Variants in RAB2B observed in about 807,000 individuals in gnomAD.
RAB2B encodes the protein RAB2B, member RAS oncogene family, also known as ras-related protein Rab-2B.
Under a neutral mutation model 29.8 loss-of-function variants are expected in RAB2B, and 20 were observed. That is an observed-to-expected ratio of 0.67 (90% CI 0.47 to 0.97). The LOEUF is 0.97. Ranked by LOEUF, RAB2B falls within the 50% of genes least tolerant of loss-of-function variation. The pLI, the probability that RAB2B is intolerant of heterozygous loss-of-function variation, is 0.00. For synonymous variants in RAB2B, 93 were observed against 91.7 expected, an observed-to-expected ratio of 1.01 and a Z score of -0.08; for missense variants, 218 against 272.0, an observed-to-expected ratio of 0.80 and a Z score of 1.40.
chr14:21,468,172 C>T (rs769549650), intron 5 of RAB2B, among the ~76,000 whole-genome samples, 185 bp downstream of exon 5: 6 of 151,982 alleles, frequency 3.9e-5, no homozygotes, highest in Non-Finnish European at 7.4e-5. Flanking sequence ...CTTAATGCTA[C>T]AGGACTGTAT....
intron 5 of RAB2B, among the ~76,000 whole-genome samples, chr14:21,466,609 C>G (rs1890692807): frequency 6.6e-6 from 1 of 152,210 alleles, no homozygotes; most frequent in Admixed American, 6.5e-5. Context: ...ATACCTCAAA[C>G]TTTTGAGAAA....
intron 5 of RAB2B, among the ~76,000 whole-genome samples, chr14:21,467,393 A>G (rs191294939): frequency 2.4e-4 from 36 of 152,254 alleles, no homozygotes; most frequent in African/African-American, 8.4e-4. Context: ...TTATGGACTC[A>G]AGCAATCCTT....
At chr14:21,465,102 A>C (rs1322574377) in intron 5 of RAB2B, among the ~76,000 whole-genome samples, 1 of 152,222 alleles carries the variant, frequency 6.6e-6, no homozygotes, top group Admixed American at 6.5e-5. Context: ...GGAGGTTTCC[A>C]GTTTTCCAAC....
chr14:21,475,071 CT>C lies in RAB2B; in HGVS notation c.119-138del, dbSNP rs1890914771. The C allele has an allele frequency of 4.7e-6, 3 of 637,960 alleles. No homozygotes were observed. The South Asian group carries it at 5.8e-5, about 12-fold the overall frequency. The allele number at this position is 637,960 out of a possible 1,614,324, so 39.5% of individuals were successfully genotyped here. On this transcript the variant is annotated intron_variant, in intron 2 of 7. Transcript: ENST00000397762. ...ATGCCACTAATTCCATTATTGCTGC[CT>C]ATTTGCTCCAATTAATTTTGTGTTT...
rs748236767 is a variant in RAB2B at position 21,476,523 on chromosome 14, C to A, written c.118+5G>T. The A allele has an allele frequency of 6.2e-7, 1 of 1,613,802 alleles. No homozygotes were observed. The highest frequency in any genetic ancestry group is 1.7e-5 in the Admixed American group (1 of 60,026). ...ATCTGTTCTGGAACAAGTAGATGCA[C>A]TTACCTATTGTGAGGTCGTGGACAG... On this transcript the variant is annotated splice_donor_5th_base_variant and intron_variant, in intron 2 of 7. Coordinates refer to ENST00000397762, the MANE Select transcript of RAB2B (RefSeq NM_032846.4).
chr14:21,463,511 C>T (rs543229948), intron 6 of RAB2B, 145 bp downstream of exon 6: 19 of 614,954 alleles, frequency 3.1e-5, no homozygotes, highest in East Asian at 8.6e-5. Flanking sequence ...CCTCCCAAAA[C>T]GCTAGGATTA....
At chr14:21,472,954 G>C (rs1359189004) in intron 3 of RAB2B, among the ~76,000 whole-genome samples, 1 of 152,178 alleles carries the variant, frequency 6.6e-6, no homozygotes, top group African/African-American at 2.4e-5. Context: ...CACTTTGGGA[G>C]GCTGAGGAGG....
chr14:21,468,499 C>G (rs1890735533), intron 4 of RAB2B, 50 bp from the exon 5 acceptor site: 1 of 1,525,040 alleles, frequency 6.6e-7, no homozygotes, highest in African/African-American at 1.4e-5. Flanking sequence ...TTCAAAAGGC[C>G]AAAACAACTC....
In RAB2B at chr14:21,476,542, T is replaced by C; in HGVS notation, c.104A>G (p.His35Arg). ...QFTDKRFQPV[H>R]DLTIGVEFGA... Reference sequence around the variant, plus strand: ...GATGCACTTACCTATTGTGAGGTCGTGGACAGGCTGGAACCGCTTATCTGT... The same window carrying C: ...GATGCACTTACCTATTGTGAGGTCGCGGACAGGCTGGAACCGCTTATCTGT... Residue 35 changes from histidine to arginine, a missense_variant, in exon 2 of 8, where the codon CAC becomes CGC. Coordinates refer to ENST00000397762, the MANE Select transcript of RAB2B (RefSeq NM_032846.4). The C allele has an allele frequency of 3.1e-6, 5 of 1,613,768 alleles. No individual in the cohort carries two copies. Among genetic ancestry groups the C allele is most frequent in the Non-Finnish European group, 4.2e-6 (5 of 1,180,010 alleles).
chr14:21,464,094 G>A (rs1171519401), intron 5 of RAB2B, among the ~76,000 whole-genome samples: 1 of 151,912 alleles, frequency 6.6e-6, no homozygotes, highest in African/African-American at 2.4e-5. Context: ...GGAGAGCAAA[G>A]TATAGATGAG....
chr14:21,465,691 C>T (rs1890670356), intron 5 of RAB2B, among the ~76,000 whole-genome samples: 1 of 152,086 alleles, frequency 6.6e-6, no homozygotes, highest in Admixed American at 6.6e-5. Flanking sequence ...TTTAATCCCC[C>T]ATCTCCCAAG....
chr14:21,476,639 G>T (rs962332110), intron 1 of RAB2B, 40 bp from the exon 2 acceptor site: 4 of 1,613,580 alleles, frequency 2.5e-6, no homozygotes, highest in Admixed American at 1.7e-5. Context: ...CGCAGCCCTG[G>T]AACACCTTCC....
At chr14:21,466,867 T>C (rs1283444370) in intron 5 of RAB2B, among the ~76,000 whole-genome samples, 4 of 114,270 alleles carry the variant, frequency 3.5e-5, no homozygotes, top group African/African-American at 7.5e-5. Context: ...AACAGACACA[T>C]AGAGGTCTTT....
Position 21,460,227 on chromosome 14 carries a change from C to T in RAB2B, c.*969G>A. On this transcript the variant is annotated 3_prime_UTR_variant, in exon 8 of 8. Transcript: ENST00000397762. ...AAGGCCAACTAGATCTAGGTAATTG[C>T]AAGTGTTCAAATAGAATGTCTTTGA... is the stretch of plus-strand genomic sequence containing the variant. 1.9e-6 allele frequency: 1 copy of T among 518,936 alleles called. No individual in the cohort carries two copies. Among genetic ancestry groups the T allele is most frequent in the South Asian group, 1.4e-5 (1 of 71,598 alleles). The allele number at this position is 518,936 out of a possible 1,614,324, so 32.1% of individuals were successfully genotyped here.
rs191779399 is a variant in RAB2B, at chr14:21,474,904, A to G, written c.149T>C (p.Ile50Thr). Residue 50 changes from isoleucine (I) to threonine (T), a missense_variant, in exon 3 of 8, where the codon ATT becomes ACT. Ile to Thr is a moderately conservative substitution (Grantham distance 89, BLOSUM62 -1). Transcript: ENST00000397762. Reference sequence around the variant, plus strand: ...TTGCAGTTTGATTTGTTTTCCATCAATGTTGACCATACGAGCTCCAAACTC... The same window carrying G: ...TTGCAGTTTGATTTGTTTTCCATCAGTGTTGACCATACGAGCTCCAAACTC... ...GVEFGARMVN[I>T]DGKQIKLQIW... is the part of the protein sequence containing the mutation. 18 of 1,614,112 alleles carry G rather than the reference A, an allele frequency of 1.1e-5. No homozygotes were observed. The highest frequency in any genetic ancestry group is 2.2e-5 in the South Asian group (2 of 91,080).
intron 3 of RAB2B, among the ~76,000 whole-genome samples, chr14:21,470,103 C>T (rs1210587737): frequency 1.3e-5 from 2 of 152,010 alleles, no homozygotes; most frequent in Non-Finnish European, 2.9e-5. Context: ...CAGGCGCCCA[C>T]CACCATGCCT....
At chr14:21,468,470 A>G (rs1160643537) in intron 4 of RAB2B, 21 bp from the exon 5 acceptor site, 7 of 1,606,886 alleles carry the variant, frequency 4.4e-6, no homozygotes, top group Non-Finnish European at 6.0e-6. Context: ...AAAATTTAGA[A>G]TGTGGGTCAG....
intron 6 of RAB2B, 40 bp downstream of exon 6, chr14:21,463,616 A>G (rs1454684462): frequency 1.6e-6 from 2 of 1,271,598 alleles, no homozygotes; most frequent in East Asian, 4.6e-5. Flanking sequence ...ATAATGGTGT[A>G]ATCTCTAAAG....
chr14:21,471,176 TAAAA>T (rs11300913), intron 3 of RAB2B, among the ~76,000 whole-genome samples: 1 of 143,860 alleles, frequency 7.0e-6, no homozygotes, highest in Non-Finnish European at 1.5e-5. Flanking sequence ...CTGTCTAAAT[TAAAA>T]AAAAAAAAAA....
Sources: gnomAD v4.1 joint callset for allele counts (sites outside exome capture counted in the v4.1 genomes callset) on GRCh38, gnomAD v4.1.1 for gene constraint, MANE v1.5 for transcripts, NCBI Gene and HGNC (gene_info 2026-07-23, HGNC 2026-07-21) for gene names.